The following RPTOR variants were observed in gnomAD, a reference collection of about 807,000 sequenced individuals.
The protein encoded by RPTOR is regulatory-associated protein of mTOR.
In RPTOR, 21 loss-of-function variants were observed where a neutral mutation model predicts 169.9. The ratio of observed to expected loss-of-function variants is 0.12; its 90% confidence interval spans 0.09 to 0.18. The LOEUF is 0.18. Among genes scored for constraint, RPTOR ranks in the 10% least tolerant of loss-of-function variants. The probability of loss-of-function intolerance (pLI) is 1.00; values close to 1 mark genes in which losing one functional copy is unlikely to be tolerated. For synonymous variants in RPTOR, 732 were observed against 753.2 expected, an observed-to-expected ratio of 0.97 and a Z score of 0.46; for missense variants, 1,133 against 1,855.9, an observed-to-expected ratio of 0.61 and a Z score of 7.16.
rs1376234968 is a variant in RPTOR, at chr17:80,936,873, A to G, written c.2920-3623A>G. On this transcript the variant is annotated intron_variant, in intron 24 of 33. Transcript: ENST00000306801. This position sits in a 1 kb window ranked among gnomAD's most constrained non-coding sequence, Gnocchi z 4.1. ...TTCATTCAGAGCTTCTCCCCCCTCC[A>G]CAGCTTGGCGATTTGTGGTAACACA... Among the ~76,000 whole-genome samples, 1 of 152,202 alleles carries G rather than the reference A, an allele frequency of 6.6e-6. No homozygotes were observed. Among genetic ancestry groups the G allele is most frequent in the Non-Finnish European group, 1.5e-5 (1 of 68,030 alleles).
Position 80,744,901 on chromosome 17 carries a change from T to C in RPTOR, c.655-9109T>C, listed in dbSNP as rs201778524. On this transcript the variant is annotated intron_variant, in intron 5 of 33. Transcript: ENST00000306801. ...AGCACAGCCCTGGCTACTAGCACTG[T>C]CCTGGCTACTAGCACAGCCCTGGTT... Among the ~76,000 whole-genome samples, 403 of 71,160 alleles carry C rather than the reference T, an allele frequency of 5.7e-3. 34 individuals are homozygous for C. Among genetic ancestry groups the C allele is most frequent in the African/African-American group, 0.015 (200 of 13,096 alleles). 46.7% of individuals were successfully genotyped at this position (71,160 alleles called of 152,430 possible). A position where few individuals can be genotyped will look rare whatever the true frequency, so the allele number is the denominator to read the frequency against.
chr17:80,808,411 A>C (rs1411005412), intron 7 of RPTOR, among the ~76,000 whole-genome samples: 2 of 152,222 alleles, frequency 1.3e-5, no homozygotes, highest in South Asian at 4.1e-4. Context: ...GTGACAGAGC[A>C]AGACCCCATC....
intron 5 of RPTOR, among the ~76,000 whole-genome samples, chr17:80,743,746 G>GTCCTGGTTACTAGCAC (rs2066512154): frequency 1.3e-5 from 1 of 74,486 alleles, no homozygotes; most frequent in African/African-American, 5.6e-5. Context: ...GCTACTAGCA[G>GTCCTGGTTACTAGCAC]AGCCCTGGCT....
At chr17:80,827,621 G>A (rs771845394) in intron 9 of RPTOR, among the ~76,000 whole-genome samples, 1 of 152,212 alleles carries the variant, frequency 6.6e-6, no homozygotes, top group Admixed American at 6.5e-5. Flanking sequence ...TGGGACAGGG[G>A]TCCTGGGGCC....
intron 1 of RPTOR, among the ~76,000 whole-genome samples, chr17:80,599,345 C>T (rs944295811): frequency 2.6e-5 from 4 of 152,174 alleles, no homozygotes; most frequent in African/African-American, 9.7e-5. Flanking sequence ...CCTGTGGCGC[C>T]CTTTCCTAAT....
At chr17:80,689,984 C>T (rs2065977088) in intron 3 of RPTOR, among the ~76,000 whole-genome samples, 1 of 152,180 alleles carries the variant, frequency 6.6e-6, no homozygotes, top group South Asian at 2.1e-4. Context: ...GGAAACTTTA[C>T]TTTACCATTA....
chr17:80,759,007 T>C (rs2143358470), intron 6 of RPTOR, among the ~76,000 whole-genome samples: 1 of 151,630 alleles, frequency 6.6e-6, no homozygotes, highest in East Asian at 1.9e-4. Flanking sequence ...GCATTTTGTT[T>C]TTCTGCCATG....
intron 24 of RPTOR, among the ~76,000 whole-genome samples, chr17:80,931,819 C>A (rs1261480480): frequency 6.6e-6 from 1 of 152,058 alleles, no homozygotes; most frequent in Non-Finnish European, 1.5e-5. Flanking sequence ...CCTTCGGACC[C>A]TTCCAACAGG....
At chr17:80,645,339 C>T (rs574885639) in intron 3 of RPTOR, among the ~76,000 whole-genome samples, 1 of 152,220 alleles carries the variant, frequency 6.6e-6, no homozygotes, top group African/African-American at 2.4e-5. Context: ...CTGGGTTTGG[C>T]TTTGTACCTT....
intron 1 of RPTOR, among the ~76,000 whole-genome samples, chr17:80,596,887 T>A (rs1232751757): frequency 6.6e-6 from 1 of 152,186 alleles, no homozygotes; most frequent in Non-Finnish European, 1.5e-5. Context: ...AGGATTTAGA[T>A]CCTGGCATTT....
chr17:80,737,951 G>T (rs1433095308), intron 5 of RPTOR, among the ~76,000 whole-genome samples: 6 of 150,762 alleles, frequency 4.0e-5, no homozygotes, highest in African/African-American at 9.7e-5. Flanking sequence ...CCTTTAATTG[G>T]AATCCACAGA....
chr17:80,852,720 CTCA>C (rs1286497438), intron 11 of RPTOR, among the ~76,000 whole-genome samples: 1 of 152,070 alleles, frequency 6.6e-6, no homozygotes, highest in African/African-American at 2.4e-5. Flanking sequence ...CCCTGTCCCC[CTCA>C]TCCTCCTGCC....
At chr17:80,604,306 G>T (rs1207698928) in intron 1 of RPTOR, among the ~76,000 whole-genome samples, 1 of 152,226 alleles carries the variant, frequency 6.6e-6, no homozygotes, top group Non-Finnish European at 1.5e-5. Context: ...CTTATGTGCT[G>T]TGCAGATACA....
At chr17:80,565,409 TG>T (rs1391787058) in intron 1 of RPTOR, among the ~76,000 whole-genome samples, 5 of 152,104 alleles carry the variant, frequency 3.3e-5, no homozygotes, top group African/African-American at 9.6e-5. Context: ...TCACACACCA[TG>T]GGGGGTGTAG....
At chr17:80,962,177 A>G (rs142526466) in intron 31 of RPTOR, among the ~76,000 whole-genome samples, 1 of 152,310 alleles carries the variant, frequency 6.6e-6, no homozygotes. Context: ...CTCCTCCCGC[A>G]TCTGTGCTCA....
intron 1 of RPTOR, among the ~76,000 whole-genome samples, chr17:80,612,504 T>C (rs2065278535): frequency 6.6e-6 from 1 of 152,258 alleles, no homozygotes; most frequent in African/African-American, 2.4e-5. Flanking sequence ...GTGTTGTAAA[T>C]CTGACTTGCT....
intron 3 of RPTOR, among the ~76,000 whole-genome samples, chr17:80,697,678 A>G (rs36034584): frequency 0.16 from 23,945 of 152,228 alleles, 2,766 homozygotes; most frequent in African/African-American, 0.33. Flanking sequence ...ATGAGAGATT[A>G]GCCACGGTGG....
chr17:80,760,545 G>A (rs886996698), intron 6 of RPTOR, among the ~76,000 whole-genome samples: 250 of 152,044 alleles, frequency 1.6e-3, no homozygotes, highest in African/African-American at 5.6e-3. Context: ...CAGGTGATCC[G>A]CCCGCCTCAG....
intron 5 of RPTOR, among the ~76,000 whole-genome samples, chr17:80,731,163 C>G (rs1287543202): frequency 2.6e-5 from 4 of 152,218 alleles, no homozygotes; most frequent in African/African-American, 9.7e-5. Flanking sequence ...CAGGCTTGAG[C>G]ACTGAGCCCG....
Sources: allele counts gnomAD v4.1 joint callset (sites outside exome capture counted in the v4.1 genomes callset), GRCh38; gene constraint gnomAD v4.1.1; non-coding constraint Gnocchi (gnomAD v3.1); transcripts MANE v1.5; gene names NCBI Gene and HGNC (gene_info 2026-07-23, HGNC 2026-07-21).